PXT1: variants seen among roughly 807,000 people sequenced by gnomAD.
PXT1 encodes the protein peroxisomal testis-specific protein 1.
Under a neutral mutation model 11.0 loss-of-function variants are expected in PXT1, and 11 were observed. That is an observed-to-expected ratio of 1.00 (90% confidence interval 0.63 to 1.66). PXT1 has a LOEUF of 1.66. PXT1 is among the 40% of genes most tolerant of loss of function. The pLI, the probability that PXT1 is intolerant of heterozygous loss-of-function variation, is 0.00. For missense variants in PXT1, 141 were observed against 155.5 expected (o/e 0.91, Z 0.49); for synonymous variants, 43 against 51.4 (o/e 0.84, Z 0.70).
intron 3 of PXT1, among the ~76,000 whole-genome samples, chr6:36,416,206 G>A (rs1329866433): frequency 2.0e-5 from 3 of 151,842 alleles, no homozygotes; most frequent in Non-Finnish European, 2.9e-5. Context: ...AAAAATAGCC[G>A]GGTGTGATGG....
rs1477949269 is a variant in PXT1, at chr6:36,391,225, A to G, written c.*545T>C. Reference sequence around the variant, plus strand: ...ATGTTGAATTTGAGTATTAGAGACAAATGTTTCACTTCGATTTTCCAGAGA... The same window carrying G: ...ATGTTGAATTTGAGTATTAGAGACAGATGTTTCACTTCGATTTTCCAGAGA... On this transcript the variant is annotated 3_prime_UTR_variant, in exon 5 of 5. Transcript: ENST00000454782. The G allele has an allele frequency of 6.5e-6, 1 of 154,140 alleles. No individual in the cohort carries two copies. Among genetic ancestry groups the G allele is most frequent in the Non-Finnish European group, 1.4e-5 (1 of 69,688 alleles). The allele number at this position is 154,140 out of a possible 1,614,324, so 9.5% of individuals were successfully genotyped here.
chr6:36,409,055 C>T (rs1424651431), intron 3 of PXT1, among the ~76,000 whole-genome samples: 5 of 152,076 alleles, frequency 3.3e-5, no homozygotes, highest in Non-Finnish European at 7.4e-5. Context: ...TTTCCACTGC[C>T]AGGCATAATG....
intron 4 of PXT1, among the ~76,000 whole-genome samples, chr6:36,394,764 A>T (rs1774119849): frequency 6.6e-6 from 1 of 151,948 alleles, no homozygotes; most frequent in Non-Finnish European, 1.5e-5. Context: ...CAGATACTTG[A>T]ACCAAAACCC....
chr6:36,395,014 A>AG (rs1561923705), intron 4 of PXT1, among the ~76,000 whole-genome samples: 3 of 151,676 alleles, frequency 2.0e-5, no homozygotes, highest in South Asian at 2.1e-4. Flanking sequence ...AAACAAAAAA[A>AG]AGAGAGAGAG....
intron 3 of PXT1, among the ~76,000 whole-genome samples, chr6:36,416,264 G>A (rs767769229): frequency 9.2e-5 from 14 of 152,140 alleles, no homozygotes; most frequent in African/African-American, 1.7e-4. Context: ...TGGGAGGATC[G>A]CTTGAGCCCA....
At position 36,390,695 on chromosome 6, in the gene PXT1, A is replaced by T. The variant is rs1285036347; in HGVS notation, c.*1075T>A. ...CTAATATTTATAATTCTTTTAAAGG[A>T]GGGGAGAGAGGGACTATGAGGTAGA... is the stretch of plus-strand genomic sequence containing the variant. On this transcript the variant is annotated 3_prime_UTR_variant, in exon 5 of 5. Transcript: ENST00000454782. 6.6e-6 allele frequency: 1 copy of T among 152,172 alleles called. No homozygotes were observed. The highest frequency in any genetic ancestry group is 1.5e-5 in the Non-Finnish European group (1 of 68,038). The allele number at this position is 152,172 out of a possible 1,614,324, so 9.4% of individuals were successfully genotyped here.
intron 3 of PXT1, among the ~76,000 whole-genome samples, chr6:36,401,715 T>C (rs1774218065): frequency 6.6e-6 from 1 of 151,746 alleles, no homozygotes; most frequent in Non-Finnish European, 1.5e-5. Flanking sequence ...CAAATTTAAA[T>C]TAATTAAAAT....
At chr6:36,436,098 A>T (rs528721622) in intron 2 of PXT1, among the ~76,000 whole-genome samples, 1,931 of 142,326 alleles carry the variant, frequency 0.014, 52 homozygotes, top group African/African-American at 0.044. Flanking sequence ...AAATTAATTA[A>T]AAAAAAAAGT....
chr6:36,440,256 T>TA (rs1362038962), intron 1 of PXT1, among the ~76,000 whole-genome samples: 1 of 152,228 alleles, frequency 6.6e-6, no homozygotes, highest in East Asian at 1.9e-4. Context: ...AGCTATTATT[T>TA]AAAAAATATT....
At chr6:36,403,023 C>A (rs959129686) in intron 3 of PXT1, among the ~76,000 whole-genome samples, 1 of 151,280 alleles carries the variant, frequency 6.6e-6, no homozygotes, top group Non-Finnish European at 1.5e-5. Context: ...CCACGCCCAG[C>A]TGATTTTTGT....
chr6:36,405,255 T>G (rs1460185375), intron 3 of PXT1, among the ~76,000 whole-genome samples: 1 of 152,206 alleles, frequency 6.6e-6, no homozygotes, highest in African/African-American at 2.4e-5. Flanking sequence ...AGAAAATAAT[T>G]TTGTACAGCT....
At chr6:36,415,240 C>T (rs546904773) in intron 3 of PXT1, among the ~76,000 whole-genome samples, 7 of 151,824 alleles carry the variant, frequency 4.6e-5, no homozygotes, top group East Asian at 1.9e-4. Flanking sequence ...GTCAGGAGTT[C>T]GAGACCAGCC....
intron 3 of PXT1, among the ~76,000 whole-genome samples, chr6:36,408,081 C>T (rs1774315872): frequency 6.6e-6 from 1 of 151,694 alleles, no homozygotes; most frequent in South Asian, 2.1e-4. Context: ...CCTGCCTCAG[C>T]CTCCCGAGTA....
intron 3 of PXT1, among the ~76,000 whole-genome samples, chr6:36,421,278 A>C (rs1774521832): frequency 6.6e-6 from 1 of 152,068 alleles, no homozygotes; most frequent in African/African-American, 2.4e-5. Context: ...CCTGGGTAAC[A>C]AAGTGAGATG....
chr6:36,391,757 C>T lies in PXT1; in HGVS notation c.*13G>A. On this transcript the variant is annotated 3_prime_UTR_variant, in exon 5 of 5. Transcript: ENST00000454782. ...AGAAAACAGAACTTGACCACTTGAC[C>T]TTTACTTTCCTTTTACAGCAAATGG... The T allele has an allele frequency of 4.5e-6, 7 of 1,571,508 alleles. No individual in the cohort carries two copies. Among genetic ancestry groups the T allele is most frequent in the Non-Finnish European group, 6.1e-6 (7 of 1,141,710 alleles).
At chr6:36,429,796 T>C (rs1262619821) in intron 2 of PXT1, among the ~76,000 whole-genome samples, 4 of 151,398 alleles carry the variant, frequency 2.6e-5, no homozygotes, top group African/African-American at 9.7e-5. Flanking sequence ...TGAGCCACCA[T>C]GCTGGGCTAA....
chr6:36,401,936 TA>T (rs1774220585), intron 3 of PXT1, among the ~76,000 whole-genome samples: 1 of 148,390 alleles, frequency 6.7e-6, no homozygotes, highest in African/African-American at 2.5e-5. Flanking sequence ...TAACTATATA[TA>T]AAAAATGTGT....
In PXT1 at chr6:36,424,897, G is replaced by A. The variant is rs1045625909; in HGVS notation, c.169+1017C>T. ...ACTGTACCACTGCACTCCAACCTGG[G>A]CGACAAAGTGAGACTCTATCTCAAA... On this transcript the variant is annotated intron_variant, in intron 3 of 4. Coordinates refer to ENST00000454782, the MANE Select transcript of PXT1 (RefSeq NM_152990.4). 2.6e-5 allele frequency among the ~76,000 whole-genome samples: 4 copies of A among 151,996 alleles called. No homozygotes were observed. In the South Asian group the frequency reaches 8.3e-4, roughly 32 times the overall value.
At chr6:36,413,345 A>G (rs905357177) in intron 3 of PXT1, among the ~76,000 whole-genome samples, 4 of 152,004 alleles carry the variant, frequency 2.6e-5, no homozygotes, top group African/African-American at 7.3e-5. Context: ...TGAACCCAGG[A>G]GGCGGAGCTT....
Sources: allele counts gnomAD v4.1 joint callset (sites outside exome capture counted in the v4.1 genomes callset), GRCh38; gene constraint gnomAD v4.1.1; transcripts MANE v1.5; gene names NCBI Gene and HGNC (gene_info 2026-07-23, HGNC 2026-07-21).